Variants in HLA-DMB observed in about 807,000 individuals in gnomAD.
The protein encoded by HLA-DMB is major histocompatibility complex, class II, DM beta.
HLA-DMB carries 18 observed loss-of-function variants against 29.3 expected under a neutral mutation model. The ratio of observed to expected loss-of-function variants is 0.62; its 90% CI spans 0.43 to 0.91. The LOEUF (loss-of-function observed/expected upper bound fraction) is 0.91, where lower values mean the gene tolerates loss of function less well. Among genes scored for constraint, HLA-DMB ranks in the 40% least tolerant of loss-of-function variants. The pLI is 0.00. For synonymous variants in HLA-DMB, 143 were observed against 128.7 expected, an observed-to-expected ratio of 1.11 and a Z score of -0.75; for missense variants, 258 against 320.9, an observed-to-expected ratio of 0.80 and a Z score of 1.50.
Position 32,937,479 on chromosome 6 carries a change from T to C in HLA-DMB, c.338-23A>G, listed in dbSNP as rs1489359271. The C allele has an allele frequency of 6.3e-7, 1 of 1,597,926 alleles. No homozygotes were observed. Among genetic ancestry groups the C allele is most frequent in the Non-Finnish European group, 8.6e-7 (1 of 1,169,294 alleles). ...GCCCTGCATAGGAGAAAAAAACATG[T>C]TTAGGAAGGAGGGTGACATTCTGGC... On this transcript the variant is annotated intron_variant, in intron 2 of 5. Transcript: ENST00000418107. The surrounding 1 kb of genome is among the most constrained non-coding windows in gnomAD (Gnocchi z 4.1).
intron 2 of HLA-DMB, chr6:32,938,466 G>A (rs1162941695): frequency 1.7e-5 from 7 of 420,308 alleles, no homozygotes; most frequent in Non-Finnish European, 2.5e-5. Flanking sequence ...GGCACCTCGC[G>A]GTTCAAGCCT....
Position 32,934,826 on chromosome 6 carries a change from G to A in HLA-DMB, c.*145C>T. Reference sequence around the variant, plus strand: ...CCCAAGTTGCTAAGTTTTACATAGGGGAGACTGGGAAATTCAAAGAATTGG... The same window carrying A: ...CCCAAGTTGCTAAGTTTTACATAGGAGAGACTGGGAAATTCAAAGAATTGG... On this transcript the variant is annotated 3_prime_UTR_variant, in exon 6 of 6. Coordinates refer to ENST00000418107, the MANE Select transcript of HLA-DMB (RefSeq NM_002118.5). 1 of 848,342 alleles carries A rather than the reference G, an allele frequency of 1.2e-6. No homozygotes were observed. 52.6% of individuals were successfully genotyped at this position (848,342 alleles called of 1,614,324 possible).
chr6:32,939,042 T>C (rs1776190123), intron 1 of HLA-DMB, 77 bp from the exon 2 acceptor site: 2 of 866,992 alleles, frequency 2.3e-6, no homozygotes, highest in Non-Finnish European at 1.6e-6. Flanking sequence ...ATATAAATAA[T>C]AAATATACAC....
chr6:32,935,842 T>C (rs1428865051), intron 3 of HLA-DMB, 190 bp from the exon 4 acceptor site: 1 of 600,494 alleles, frequency 1.7e-6, no homozygotes, highest in Non-Finnish European at 3.0e-6. Flanking sequence ...CCTCTACTCC[T>C]AGAGTAAGCC....
intron 3 of HLA-DMB, 27 bp from the exon 4 acceptor site, chr6:32,935,679 C>T: frequency 6.5e-7 from 1 of 1,549,514 alleles, no homozygotes; most frequent in South Asian, 1.1e-5. Context: ...CTTACTTGAC[C>T]CAGTTTCTGT....
chr6:32,940,656 A>C, intron 1 of HLA-DMB, 97 bp downstream of exon 1: 1 of 840,368 alleles, frequency 1.2e-6, no homozygotes, highest in Non-Finnish European at 1.9e-6. Context: ...CCAGGGAGAC[A>C]AACTATCTGG....
At chr6:32,935,162 G>GAGCAGGA in intron 5 of HLA-DMB, 175 bp from the exon 6 acceptor site, 1 of 839,502 alleles carries the variant, frequency 1.2e-6, no homozygotes, top group Non-Finnish European at 2.0e-6. Flanking sequence ...CTTGGTAGAA[G>GAGCAGGA]AGGAGGATGC....
At position 32,940,986 on chromosome 6, in the gene HLA-DMB, C is replaced by T; in HGVS notation, c.-179G>A. On this transcript the variant is annotated 5_prime_UTR_variant, in exon 1 of 6. Transcript: ENST00000418107. ...ATGAGTGATGTGGGGATACCCAGCC[C>T]CTAGATATTAAATCTGTTCCTTCCA... 5 of 542,064 alleles carry T rather than the reference C, an allele frequency of 9.2e-6. No homozygotes were observed. Among genetic ancestry groups the T allele is most frequent in the East Asian group, 2.8e-5 (1 of 35,166 alleles). The allele number at this position is 542,064 out of a possible 1,614,324, so 33.6% of individuals were successfully genotyped here. A position where few individuals can be genotyped will look rare whatever the true frequency, so the allele number is the denominator to read the frequency against.
chr6:32,939,690 A>G (rs1214060159), intron 1 of HLA-DMB, among the ~76,000 whole-genome samples: 1 of 152,228 alleles, frequency 6.6e-6, no homozygotes, highest in African/African-American at 2.4e-5. Context: ...TGTACATTAC[A>G]TGTACTAAAA....
Position 32,934,865 on chromosome 6 carries a change from A to C in HLA-DMB, c.*106T>G. The C allele has an allele frequency of 8.0e-6, 9 of 1,129,646 alleles. No homozygotes were observed. The highest frequency in any genetic ancestry group is 1.2e-5 in the Non-Finnish European group (9 of 750,998). The allele number at this position is 1,129,646 out of a possible 1,614,324, so 70.0% of individuals were successfully genotyped here. A position where few individuals can be genotyped will look rare whatever the true frequency, so the allele number is the denominator to read the frequency against. ...TCAAAGAATTGGATGGAGAAACCAT[A>C]GGATCCAAGATAATGTCAGGGGGTT... On this transcript the variant is annotated 3_prime_UTR_variant, in exon 6 of 6. Transcript: ENST00000418107.
intron 2 of HLA-DMB, 125 bp downstream of exon 2, chr6:32,938,559 C>T: frequency 1.0e-6 from 1 of 987,100 alleles, no homozygotes; most frequent in Non-Finnish European, 1.4e-6. Context: ...TTCTACATTT[C>T]AGATCCACAC....
In HLA-DMB at chr6:32,935,040, T is replaced by A. The variant is rs2127466555; in HGVS notation, c.776-53A>T. ...GAGGCTTCAACCCAACTTGCCCCCA[T>A]CGTTTGTCACTGTAACCATCCCATG... On this transcript the variant is annotated intron_variant, in intron 5 of 5. Transcript: ENST00000418107. 5 of 1,605,524 alleles carry A rather than the reference T, an allele frequency of 3.1e-6. 1 individual carries two copies. The South Asian group carries it at 5.5e-5, about 18-fold the overall frequency.
chr6:32,940,974 G>T lies in HLA-DMB; in HGVS notation c.-167C>A, dbSNP rs1335642159. 5.4e-6 allele frequency: 3 copies of T among 551,416 alleles called. No homozygotes were observed. The highest frequency in any genetic ancestry group is 9.9e-6 in the Non-Finnish European group (3 of 304,260). 34.2% of individuals were successfully genotyped at this position (551,416 alleles called of 1,614,324 possible). A position where few individuals can be genotyped will look rare whatever the true frequency, so the allele number is the denominator to read the frequency against. ...TTGACCCCCCAAATGAGTGATGTGG[G>T]GATACCCAGCCCCTAGATATTAAAT... On this transcript the variant is annotated 5_prime_UTR_variant, in exon 1 of 6. Coordinates refer to ENST00000418107, the MANE Select transcript of HLA-DMB (RefSeq NM_002118.5).
chr6:32,937,342 T>G lies in HLA-DMB; in HGVS notation c.452A>C (p.Lys151Thr), dbSNP rs368649736. Residue 151 changes from lysine (K) to threonine (T), a missense_variant, in exon 3 of 6, where the codon AAG becomes ACG. Lys to Thr is a moderately conservative substitution (Grantham distance 78). Transcript: ENST00000418107. The surrounding 1 kb of genome is among the most constrained non-coding windows in gnomAD (Gnocchi z 4.1). Reference protein sequence around the residue: ...YPAEVTITWRKNGKLVMPHSS... With the variant: ...YPAEVTITWRTNGKLVMPHSS... ...GTGAGGCATGACAAGCTTCCCGTTC[T>G]TCCTCCACGTGATAGTCACTTCTGC... 1.2e-6 allele frequency: 2 copies of G among 1,614,086 alleles called. No homozygotes were observed. The highest frequency in any genetic ancestry group is 1.7e-6 in the Non-Finnish European group (2 of 1,180,036).
In HLA-DMB at chr6:32,940,886, G is replaced by GGCTGGGGCTTCTGGGAC; in HGVS notation, c.-80_-79insGTCCCAGAAGCCCCAGC. 1.8e-6 allele frequency: 2 copies of GGCTGGGGCTTCTGGGAC among 1,135,674 alleles called. No individual in the cohort carries two copies. Among genetic ancestry groups the GGCTGGGGCTTCTGGGAC allele is most frequent in the Non-Finnish European group, 2.6e-6 (2 of 774,554 alleles). The allele number at this position is 1,135,674 out of a possible 1,614,324, so 70.3% of individuals were successfully genotyped here. A position where few individuals can be genotyped will look rare whatever the true frequency, so the allele number is the denominator to read the frequency against. ...GGTCCGTGGGTCCTCGCCTGTCCCA[G>GGCTGGGGCTTCTGGGAC]AAGCCCCAGCCTGGGTAGATGATCT... On this transcript the variant is annotated 5_prime_UTR_variant, in exon 1 of 6. Coordinates refer to ENST00000418107, the MANE Select transcript of HLA-DMB (RefSeq NM_002118.5).
At chr6:32,935,779 C>T in intron 3 of HLA-DMB, 127 bp from the exon 4 acceptor site, 1 of 639,316 alleles carries the variant, frequency 1.6e-6, no homozygotes, top group Non-Finnish European at 2.8e-6. Flanking sequence ...CTAGCTCACA[C>T]CACCCACTCC....
At chr6:32,939,563 G>C (rs948177797) in intron 1 of HLA-DMB, among the ~76,000 whole-genome samples, 3 of 152,178 alleles carry the variant, frequency 2.0e-5, no homozygotes, top group Non-Finnish European at 4.4e-5. Context: ...CTATACCACT[G>C]TGGGATGACT....
intron 2 of HLA-DMB, chr6:32,938,141 G>T (rs990888565): frequency 1.3e-5 from 2 of 154,160 alleles, no homozygotes; most frequent in Admixed American, 6.5e-5. Context: ...CAGATCTGGA[G>T]TGGTACTAAG....
At chr6:32,940,300 C>G (rs1776277045) in intron 1 of HLA-DMB, among the ~76,000 whole-genome samples, 1 of 151,956 alleles carries the variant, frequency 6.6e-6, no homozygotes, top group African/African-American at 2.4e-5. Context: ...TTATGCAAGA[C>G]TAAGCACAGG....
Sources: gnomAD v4.1 joint callset for allele counts (sites outside exome capture counted in the v4.1 genomes callset) on GRCh38, gnomAD v4.1.1 for gene constraint, Gnocchi (gnomAD v3.1) non-coding constraint, MANE v1.5 for transcripts, NCBI Gene and HGNC (gene_info 2026-07-23, HGNC 2026-07-21) for gene names.